LHX6: variants seen among roughly 807,000 people sequenced by gnomAD.
LHX6 encodes the protein LIM/homeobox protein Lhx6.
Under a neutral mutation model 47.1 loss-of-function variants are expected in LHX6, and 15 were observed. That is an observed-to-expected ratio of 0.32 (90% CI 0.21 to 0.49). LHX6 has a LOEUF of 0.49. Among genes scored for constraint, LHX6 ranks in the 20% least tolerant of loss-of-function variants. The probability of loss-of-function intolerance (pLI) is 0.99; values close to 1 mark genes in which losing one functional copy is unlikely to be tolerated. For missense variants in LHX6, 404 were observed against 539.6 expected, an observed-to-expected ratio of 0.75 and a Z score of 2.49; for synonymous variants, 242 against 233.5, an observed-to-expected ratio of 1.04 and a Z score of -0.33.
In LHX6 at chr9:122,228,514, C is replaced by T. The variant is rs1831207041; in HGVS notation, c.84+143G>A. 3 of 1,364,504 alleles carry T rather than the reference C, an allele frequency of 2.2e-6. No individual in the cohort carries two copies. In the African/African-American group the frequency reaches 4.6e-5, roughly 21 times the overall value. The allele number at this position is 1,364,504 out of a possible 1,614,324, so 84.5% of individuals were successfully genotyped here. Reference sequence around the variant, plus strand: ...CCCCCCCCCCGCTCGCGCGCGCGCTCCCACACTCACAAGCACACACTCACA... The same window carrying T: ...CCCCCCCCCCGCTCGCGCGCGCGCTTCCACACTCACAAGCACACACTCACA... On this transcript the variant is annotated intron_variant, in intron 1 of 9. Transcript: ENST00000394319.
Position 122,204,726 on chromosome 9 carries a change from G to A in LHX6, c.*34C>T, listed in dbSNP as rs370896775. ...TCAGCGGCTGAGGGGCAGCTGTGGGGCGCCCACGGGCAGATGCGGAAGTGC... is the reference window on the plus strand; with the variant it reads ...TCAGCGGCTGAGGGGCAGCTGTGGGACGCCCACGGGCAGATGCGGAAGTGC... On this transcript the variant is annotated 3_prime_UTR_variant, in exon 10 of 10. Coordinates refer to ENST00000394319, the MANE Select transcript of LHX6 (RefSeq NM_014368.5). 12 of 1,596,018 alleles carry A rather than the reference G, an allele frequency of 7.5e-6. No homozygotes were observed. The highest frequency in any genetic ancestry group is 2.7e-5 in the African/African-American group (2 of 74,312).
At chr9:122,205,517 CAA>C (rs2118816171) in intron 9 of LHX6, among the ~76,000 whole-genome samples, 2 of 152,256 alleles carry the variant, frequency 1.3e-5, no homozygotes, top group East Asian at 3.9e-4. Context: ...AAGTTCAGGT[CAA>C]GGATCACTGG....
At chr9:122,218,540 C>T (rs1442445868) in intron 4 of LHX6, among the ~76,000 whole-genome samples, 1 of 152,136 alleles carries the variant, frequency 6.6e-6, no homozygotes, top group African/African-American at 2.4e-5. Flanking sequence ...ACCTCCTCCC[C>T]GGTCTCCCTG....
Position 122,225,361 on chromosome 9 carries a change from C to T in LHX6, c.461+1015G>A, listed in dbSNP as rs146495466. ...ATCCTATAGGCCTGGTGGTCCAAGC[C>T]TCAGGCCAGTTGATGCCTCCCACTG... On this transcript the variant is annotated intron_variant, in intron 4 of 9. Transcript: ENST00000394319. Among the ~76,000 whole-genome samples, 675 of 152,392 alleles carry T rather than the reference C, an allele frequency of 4.4e-3. 5 individuals carry two copies. Among genetic ancestry groups the T allele is most frequent in the African/African-American group, 0.016 (652 of 41,600 alleles).
At position 122,202,674 on chromosome 9, in the gene LHX6, G is replaced by T. The variant is rs1416265706; in HGVS notation, c.*2086C>A. Reference sequence around the variant, plus strand: ...GACATGAAAGGTATGTAACAAAACAGACATTGGTTTTACAAAAAAAGTGCT... The same window carrying T: ...GACATGAAAGGTATGTAACAAAACATACATTGGTTTTACAAAAAAAGTGCT... On this transcript the variant is annotated 3_prime_UTR_variant, in exon 10 of 10. Transcript: ENST00000394319. 2.6e-5 allele frequency: 4 copies of T among 152,568 alleles called. No individual in the cohort carries two copies. Among genetic ancestry groups the T allele is most frequent in the Admixed American group, 6.5e-5 (1 of 15,288 alleles). The allele number at this position is 152,568 out of a possible 1,614,324, so 9.5% of individuals were successfully genotyped here. A position where few individuals can be genotyped will look rare whatever the true frequency, so the allele number is the denominator to read the frequency against.
In LHX6 at chr9:122,226,258, G is replaced by A. The variant is rs542362494; in HGVS notation, c.461+118C>T. The A allele has an allele frequency of 4.5e-6, 6 of 1,336,424 alleles. No individual in the cohort carries two copies. Among genetic ancestry groups the A allele is most frequent in the South Asian group, 4.4e-5 (3 of 68,964 alleles). The allele number at this position is 1,336,424 out of a possible 1,614,324, so 82.8% of individuals were successfully genotyped here. On this transcript the variant is annotated intron_variant, in intron 4 of 9. Transcript: ENST00000394319. This position sits in a 1 kb window ranked among gnomAD's most constrained non-coding sequence, Gnocchi z 6.5. ...GCAGGTTGGACCAGCGCTGCGCGCC[G>A]GAAGTGCACTCGGGACGCCGGGGTT...
At chr9:122,218,762 G>T (rs889080875) in intron 4 of LHX6, among the ~76,000 whole-genome samples, 31 of 151,836 alleles carry the variant, frequency 2.0e-4, no homozygotes, top group Non-Finnish European at 2.6e-4. Context: ...AAGATATGCC[G>T]CCCCACCATC....
At position 122,217,555 on chromosome 9, in the gene LHX6, T is replaced by C. The variant is rs1436709849; in HGVS notation, c.462-267A>G. ...ACTTATATTTGCATATTAATTTGTTTGTTAAAAATACATCACAAGTTAGAA... is the reference window on the plus strand; with the variant it reads ...ACTTATATTTGCATATTAATTTGTTCGTTAAAAATACATCACAAGTTAGAA... On this transcript the variant is annotated intron_variant, in intron 4 of 9. Transcript: ENST00000394319. This position sits in a 1 kb window ranked among gnomAD's most constrained non-coding sequence, Gnocchi z 4.9. Among the ~76,000 whole-genome samples the C allele has an allele frequency of 6.6e-6, 1 of 152,236 alleles. No homozygotes were observed. Among genetic ancestry groups the C allele is most frequent in the East Asian group, 1.9e-4 (1 of 5,202 alleles).
In LHX6 at chr9:122,214,488, G is replaced by C. The variant is rs1830524232; in HGVS notation, c.683-105C>G. ...TTGTCCCTGGAAGGGTCAGGAGCGGGAGTTGGCTGGGAGCAGGGATCCCAG... is the reference window on the plus strand; with the variant it reads ...TTGTCCCTGGAAGGGTCAGGAGCGGCAGTTGGCTGGGAGCAGGGATCCCAG... On this transcript the variant is annotated intron_variant, in intron 5 of 9. Coordinates refer to ENST00000394319, the MANE Select transcript of LHX6 (RefSeq NM_014368.5). This position sits in a 1 kb window ranked among gnomAD's most constrained non-coding sequence, Gnocchi z 4.6. The C allele has an allele frequency of 2.2e-6, 3 of 1,389,268 alleles. No individual in the cohort carries two copies. The highest frequency in any genetic ancestry group is 2.8e-6 in the Non-Finnish European group (3 of 1,074,996). The allele number at this position is 1,389,268 out of a possible 1,614,324, so 86.1% of individuals were successfully genotyped here.
chr9:122,225,314 G>C (rs7026543), intron 4 of LHX6, among the ~76,000 whole-genome samples: 1 of 152,162 alleles, frequency 6.6e-6, no homozygotes, highest in African/African-American at 2.4e-5. Context: ...CTCAGGAAGT[G>C]ATTCTCCACC....
rs148593511 is a variant in LHX6 at position 122,223,470 on chromosome 9, T to C, written c.461+2906A>G. On this transcript the variant is annotated intron_variant, in intron 4 of 9. Coordinates refer to ENST00000394319, the MANE Select transcript of LHX6 (RefSeq NM_014368.5). Reference sequence around the variant, plus strand: ...TCCACCCTGCCAATGATGACAACAGTGATAATCGAGGCATTCATACCAACC... The same window carrying C: ...TCCACCCTGCCAATGATGACAACAGCGATAATCGAGGCATTCATACCAACC... 7.0e-3 allele frequency among the ~76,000 whole-genome samples: 1,059 copies of C among 152,188 alleles called. 14 individuals carry two copies. The highest frequency in any genetic ancestry group is 7.5e-3 in the Non-Finnish European group (512 of 68,008).
intron 1 of LHX6, 113 bp downstream of exon 1, chr9:122,228,544 C>T: frequency 2.2e-6 from 3 of 1,357,254 alleles, no homozygotes; most frequent in South Asian, 3.2e-5. Context: ...CTCACAGGCG[C>T]ACCCTCGTAC....
At chr9:122,224,706 CGCACACACACAT>C (rs1210993665) in intron 4 of LHX6, among the ~76,000 whole-genome samples, 1 of 152,006 alleles carries the variant, frequency 6.6e-6, no homozygotes, top group East Asian at 1.9e-4. Flanking sequence ...TGCACGTGCA[CGCACACACACAT>C]GCACACACAC....
intron 8 of LHX6, among the ~76,000 whole-genome samples, chr9:122,211,634 G>A (rs1830400631): frequency 1.3e-5 from 2 of 152,208 alleles, no homozygotes; most frequent in Non-Finnish European, 2.9e-5. Context: ...AGGTGCAGGT[G>A]CACACACCCC....
In LHX6 at chr9:122,214,243, C is replaced by T; in HGVS notation, c.783+40G>A. 6.7e-7 allele frequency: 1 copy of T among 1,485,542 alleles called. No individual in the cohort carries two copies. The allele number at this position is 1,485,542 out of a possible 1,614,324, so 92.0% of individuals were successfully genotyped here. On this transcript the variant is annotated intron_variant, in intron 6 of 9. Transcript: ENST00000394319. This position sits in a 1 kb window ranked among gnomAD's most constrained non-coding sequence, Gnocchi z 4.6. ...CATTGTCGGCCCCGCCCACTTTCGG[C>T]CCGGCCCCCGCCCCCGCCGCCCACT...
At chr9:122,210,665 G>A (rs964063511) in intron 8 of LHX6, among the ~76,000 whole-genome samples, 2 of 152,142 alleles carry the variant, frequency 1.3e-5, no homozygotes, top group African/African-American at 4.8e-5. Flanking sequence ...GGGTTCAAGT[G>A]ATTCTCCCAC....
chr9:122,220,570 C>T (rs987290400), intron 4 of LHX6, among the ~76,000 whole-genome samples: 1 of 152,246 alleles, frequency 6.6e-6, no homozygotes, highest in African/African-American at 2.4e-5. Flanking sequence ...CTTCAAGAAA[C>T]AGATGTGCAG....
In LHX6 at chr9:122,227,491, G is replaced by A. The variant is rs778107789; in HGVS notation, c.85-11C>T. 2.2e-5 allele frequency: 34 copies of A among 1,524,336 alleles called. No individual in the cohort carries two copies. The highest frequency in any genetic ancestry group is 3.6e-5 in the South Asian group (3 of 83,414). 94.4% of individuals were successfully genotyped at this position (1,524,336 alleles called of 1,614,324 possible). ...TGGCTGGGCCATCACCTGGGGGAGG[G>A]GGGGAGGGAACGCAGGCGGCGGCGG... On this transcript the variant is annotated splice_polypyrimidine_tract_variant and intron_variant, in intron 1 of 9. Coordinates refer to ENST00000394319, the MANE Select transcript of LHX6 (RefSeq NM_014368.5).
chr9:122,226,261 A>C lies in LHX6; in HGVS notation c.461+115T>G. On this transcript the variant is annotated intron_variant, in intron 4 of 9. Coordinates refer to ENST00000394319, the MANE Select transcript of LHX6 (RefSeq NM_014368.5). This position sits in a 1 kb window ranked among gnomAD's most constrained non-coding sequence, Gnocchi z 6.5. ...GGTTGGACCAGCGCTGCGCGCCGGA[A>C]GTGCACTCGGGACGCCGGGGTTCTG... 2.3e-6 allele frequency: 3 copies of C among 1,329,412 alleles called. No homozygotes were observed. The highest frequency in any genetic ancestry group is 3.0e-6 in the Non-Finnish European group (3 of 985,216). The allele number at this position is 1,329,412 out of a possible 1,614,324, so 82.4% of individuals were successfully genotyped here.
Sources: allele counts gnomAD v4.1 joint callset (sites outside exome capture counted in the v4.1 genomes callset), GRCh38; gene constraint gnomAD v4.1.1; non-coding constraint Gnocchi (gnomAD v3.1); transcripts MANE v1.5; gene names NCBI Gene and HGNC (gene_info 2026-07-23, HGNC 2026-07-21).